Variants in SH3PXD2A observed in about 807,000 individuals in gnomAD.
The protein encoded by SH3PXD2A is SH3 and PX domain-containing protein 2A.
Under a neutral mutation model 115.2 loss-of-function variants are expected in SH3PXD2A, and 32 were observed. The ratio of observed to expected loss-of-function variants is 0.28; its 90% confidence interval spans 0.21 to 0.37. SH3PXD2A has a LOEUF of 0.37. SH3PXD2A is among the 10% of genes least tolerant of loss of function. The probability of loss-of-function intolerance (pLI) is 1.00; values close to 1 mark genes in which losing one functional copy is unlikely to be tolerated. For synonymous variants in SH3PXD2A, 610 were observed against 629.1 expected (o/e 0.97, Z 0.45); for missense variants, 1,328 against 1,498.7 (o/e 0.89, Z 1.88).
chr10:103,606,650 A>G (rs1280366741), intron 13 of SH3PXD2A, among the ~76,000 whole-genome samples: 1 of 151,962 alleles, frequency 6.6e-6, no homozygotes, highest in East Asian at 1.9e-4. Flanking sequence ...GCGCGCCGCC[A>G]TGCCTGACTG....
chr10:103,742,200 T>A (rs961679021), intron 3 of SH3PXD2A, among the ~76,000 whole-genome samples: 18 of 152,126 alleles, frequency 1.2e-4, no homozygotes, highest in African/African-American at 4.3e-4. Flanking sequence ...AGGTCAGAAG[T>A]CTGAAATCAA....
At chr10:103,696,130 G>A (rs1297524538) in intron 5 of SH3PXD2A, among the ~76,000 whole-genome samples, 4 of 152,226 alleles carry the variant, frequency 2.6e-5, no homozygotes, top group Admixed American at 1.3e-4. Context: ...GGTGGAGGCT[G>A]AGGTCCTGGC....
intron 1 of SH3PXD2A, among the ~76,000 whole-genome samples, chr10:103,807,953 A>AAGAAGATG (rs2039223972): frequency 6.6e-6 from 1 of 152,188 alleles, no homozygotes; most frequent in African/African-American, 2.4e-5. Flanking sequence ...GCTCTTACCC[A>AAGAAGATG]AGAAGATGCT....
At chr10:103,729,317 C>T (rs1324996573) in intron 4 of SH3PXD2A, among the ~76,000 whole-genome samples, 1 of 152,250 alleles carries the variant, frequency 6.6e-6, no homozygotes, top group African/African-American at 2.4e-5. Context: ...CAGACAACTC[C>T]TAGTGACGCC....
Position 103,848,840 on chromosome 10 carries a change from T to C in SH3PXD2A, c.72+6355A>G, listed in dbSNP as rs182444422. Among the ~76,000 whole-genome samples the C allele has an allele frequency of 2.8e-3, 432 of 152,206 alleles. 3 individuals carry two copies. Among genetic ancestry groups the C allele is most frequent in the African/African-American group, 1.0e-2 (414 of 41,514 alleles). On this transcript the variant is annotated intron_variant, in intron 1 of 14. Coordinates refer to ENST00000369774, the MANE Select transcript of SH3PXD2A (RefSeq NM_001394015.1). ...TAGTGATTGTGAAAGCAAATACTTA[T>C]GCTGAGCTCCATAAGGCGCCAGGTA...
At chr10:103,808,522 A>C (rs1029607789) in intron 1 of SH3PXD2A, among the ~76,000 whole-genome samples, 2 of 152,150 alleles carry the variant, frequency 1.3e-5, no homozygotes, top group East Asian at 3.9e-4. Context: ...AAGTGCTGGC[A>C]TTACAGATGC....
intron 1 of SH3PXD2A, among the ~76,000 whole-genome samples, chr10:103,801,709 T>C (rs959591629): frequency 1.1e-4 from 17 of 152,188 alleles, no homozygotes; most frequent in Non-Finnish European, 1.8e-4. Flanking sequence ...TACATTTTTG[T>C]TTGTTTGTTT....
intron 1 of SH3PXD2A, among the ~76,000 whole-genome samples, chr10:103,813,980 A>T (rs577718166): frequency 2.0e-5 from 3 of 150,950 alleles, no homozygotes; most frequent in Non-Finnish European, 4.4e-5. Flanking sequence ...ACCAACATCA[A>T]AAAGACCACT....
At chr10:103,661,984 C>T (rs1026604452) in intron 7 of SH3PXD2A, 2 of 984,340 alleles carry the variant, frequency 2.0e-6, no homozygotes, top group African/African-American at 3.5e-5. Context: ...GAGCCCAGGC[C>T]GGGTACAGTC....
At chr10:103,786,856 C>T (rs1437855182) in intron 2 of SH3PXD2A, among the ~76,000 whole-genome samples, 1 of 152,158 alleles carries the variant, frequency 6.6e-6, no homozygotes, top group East Asian at 1.9e-4. Flanking sequence ...TGCTCCCCAA[C>T]CTCCCCTGCC....
intron 5 of SH3PXD2A, among the ~76,000 whole-genome samples, chr10:103,719,721 C>CTTTTTTTTTTTTTTTTT (rs11438501): frequency 1.6e-4 from 18 of 114,712 alleles, no homozygotes; most frequent in African/African-American, 3.1e-4. Flanking sequence ...TTTTTTCTTT[C>CTTTTTTTTTTTTTTTTT]TTTTTTTTTT....
Position 103,601,805 on chromosome 10 carries a change from C to G in SH3PXD2A, c.*11G>C. 6.3e-7 allele frequency: 1 copy of G among 1,578,042 alleles called. No homozygotes were observed. The highest frequency in any genetic ancestry group is 8.6e-7 in the Non-Finnish European group (1 of 1,161,308). On this transcript the variant is annotated 3_prime_UTR_variant, in exon 15 of 15. Coordinates refer to ENST00000369774, the MANE Select transcript of SH3PXD2A (RefSeq NM_001394015.1). Reference sequence around the variant, plus strand: ...GAGGCACACTGAGGCTGGAAGAGCCCAGGCCCTCTGCTAGTTCTTTTTCTC... The same window carrying G: ...GAGGCACACTGAGGCTGGAAGAGCCGAGGCCCTCTGCTAGTTCTTTTTCTC...
intron 3 of SH3PXD2A, chr10:103,754,428 T>C (rs1461633594): frequency 6.6e-6 from 1 of 152,168 alleles, no homozygotes; most frequent in Non-Finnish European, 1.5e-5. Context: ...CTGTTTTCCA[T>C]CCTAACAGTA....
intron 13 of SH3PXD2A, chr10:103,609,068 A>G (rs1564843189): frequency 6.6e-6 from 1 of 151,894 alleles, no homozygotes; most frequent in Non-Finnish European, 1.5e-5. Flanking sequence ...AGGCAGGAAA[A>G]TAGCGTGAGC....
At chr10:103,728,889 G>GTTTTTTTTTTTTTTTTTTTTTTT (rs199842369) in intron 4 of SH3PXD2A, among the ~76,000 whole-genome samples, 4 of 142,854 alleles carry the variant, frequency 2.8e-5, no homozygotes, top group African/African-American at 1.1e-4. Context: ...TTTTTTGTTT[G>GTTTTTTTTTTTTTTTTTTTTTTT]TTTGTTTGTT....
At chr10:103,790,692 C>T (rs561563228) in intron 2 of SH3PXD2A, among the ~76,000 whole-genome samples, 4 of 152,230 alleles carry the variant, frequency 2.6e-5, no homozygotes, top group East Asian at 1.9e-4. Flanking sequence ...TAAAGATACT[C>T]GGTTTTGTTT....
At chr10:103,684,301 C>T (rs1379530019) in intron 6 of SH3PXD2A, among the ~76,000 whole-genome samples, 1 of 152,148 alleles carries the variant, frequency 6.6e-6, no homozygotes, top group African/African-American at 2.4e-5. Flanking sequence ...AGTGGCCATC[C>T]CTCTCTTAAA....
At chr10:103,736,116 G>T (rs1045325562) in intron 3 of SH3PXD2A, among the ~76,000 whole-genome samples, 1 of 152,212 alleles carries the variant, frequency 6.6e-6, no homozygotes, top group Non-Finnish European at 1.5e-5. Context: ...CCCGGAGTGG[G>T]TGCGGCTCTC....
intron 8 of SH3PXD2A, among the ~76,000 whole-genome samples, chr10:103,654,885 A>G (rs1345333117): frequency 6.6e-6 from 1 of 152,058 alleles, no homozygotes; most frequent in Admixed American, 6.5e-5. Context: ...CACGAAGTCC[A>G]TGTTCCTAAC....
Sources: allele counts gnomAD v4.1 joint callset (sites outside exome capture counted in the v4.1 genomes callset), GRCh38; gene constraint gnomAD v4.1.1; transcripts MANE v1.5; gene names NCBI Gene and HGNC (gene_info 2026-07-23, HGNC 2026-07-21).